The following AFF1 variants were observed in gnomAD, a reference collection of about 807,000 sequenced individuals.
The protein encoded by AFF1 is ALF transcription elongation factor 1.
AFF1 carries 48 observed loss-of-function variants against 121.7 expected under a neutral mutation model. The ratio of observed to expected loss-of-function variants is 0.39; its 90% CI spans 0.31 to 0.50. AFF1 has a LOEUF of 0.50. Ranked by LOEUF, AFF1 falls within the 20% of genes least tolerant of loss-of-function variation. The pLI is 0.76. For missense variants in AFF1, 1,523 were observed against 1,511.7 expected, an observed-to-expected ratio of 1.01 and a Z score of -0.12; for synonymous variants, 613 against 563.0, an observed-to-expected ratio of 1.09 and a Z score of -1.26.
At chr4:87,068,306 A>G (rs1224528930) in intron 4 of AFF1, among the ~76,000 whole-genome samples, 1 of 137,898 alleles carries the variant, frequency 7.3e-6, no homozygotes, top group African/African-American at 2.6e-5. Flanking sequence ...TATCTTACTA[A>G]TGATATGCAT....
intron 2 of AFF1, among the ~76,000 whole-genome samples, chr4:87,016,753 TTC>T (rs1727342768): frequency 1.3e-5 from 2 of 152,120 alleles, no homozygotes; most frequent in African/African-American, 4.8e-5. Flanking sequence ...ATAACCTACT[TTC>T]TGTCTCTGTA....
Position 87,004,310 on chromosome 4 carries a change from A to G in AFF1, c.39-41856A>G, listed in dbSNP as rs568162871. Among the ~76,000 whole-genome samples, 58 of 152,346 alleles carry G rather than the reference A, an allele frequency of 3.8e-4. 1 individual carries two copies. In the South Asian group the frequency reaches 0.012, roughly 32 times the overall value. ...TGATATAGAATAAGTTTGCACCTCA[A>G]TTACTGTGAAACCCAAAGAGCTTTT... On this transcript the variant is annotated intron_variant, in intron 2 of 20. Transcript: ENST00000395146.
chr4:87,122,881 TAAAA>T (rs3036188), intron 12 of AFF1, among the ~76,000 whole-genome samples: 9 of 96,638 alleles, frequency 9.3e-5, no homozygotes, highest in East Asian at 3.3e-4. Context: ...GGAAAATTAG[TAAAA>T]AAAAAAAAAA....
At chr4:87,014,477 C>T (rs1389675217) in intron 2 of AFF1, among the ~76,000 whole-genome samples, 6 of 152,200 alleles carry the variant, frequency 3.9e-5, no homozygotes, top group Non-Finnish European at 7.3e-5. Flanking sequence ...TTAAATGGAA[C>T]TCCTACTGGG....
intron 4 of AFF1, among the ~76,000 whole-genome samples, chr4:87,052,085 C>T (rs1560577464): frequency 6.6e-6 from 1 of 151,954 alleles, no homozygotes; most frequent in Non-Finnish European, 1.5e-5. Context: ...AGCTCAGAGA[C>T]GTATTTCATT....
chr4:87,070,814 T>C (rs572478912), intron 4 of AFF1, among the ~76,000 whole-genome samples: 1 of 152,380 alleles, frequency 6.6e-6, no homozygotes, highest in African/African-American at 2.4e-5. Context: ...CTCATTAATT[T>C]ATTCAGCATA....
At chr4:87,014,594 A>G (rs1174848203) in intron 2 of AFF1, among the ~76,000 whole-genome samples, 2 of 152,232 alleles carry the variant, frequency 1.3e-5, no homozygotes, top group Non-Finnish European at 2.9e-5. Context: ...ACTTTCCTTC[A>G]GGAAACTGTC....
At chr4:87,007,589 C>T (rs1054037675) in intron 2 of AFF1, among the ~76,000 whole-genome samples, 4 of 152,172 alleles carry the variant, frequency 2.6e-5, no homozygotes, top group African/African-American at 9.7e-5. Context: ...AGATAAAAAG[C>T]AGTTTGGAGA....
chr4:87,072,861 C>T (rs924617225), intron 4 of AFF1, among the ~76,000 whole-genome samples: 5 of 151,974 alleles, frequency 3.3e-5, no homozygotes, highest in Admixed American at 6.6e-5. Context: ...GAAATACTGG[C>T]GTTTGTCGAA....
intron 2 of AFF1, among the ~76,000 whole-genome samples, chr4:87,010,662 T>G (rs1726645173): frequency 6.6e-6 from 1 of 152,220 alleles, no homozygotes; most frequent in South Asian, 2.1e-4. Context: ...GGAGTGGTGT[T>G]GATGGATACA....
intron 4 of AFF1, among the ~76,000 whole-genome samples, chr4:87,054,156 A>G (rs974073169): frequency 6.6e-6 from 1 of 152,260 alleles, no homozygotes; most frequent in Non-Finnish European, 1.5e-5. Flanking sequence ...GAAGCCTGAT[A>G]AAAATACAAA....
chr4:87,124,953 CTT>C, intron 12 of AFF1, 82 bp from the exon 13 acceptor site: 2 of 1,209,268 alleles, frequency 1.7e-6, no homozygotes, highest in Non-Finnish European at 2.3e-6. Flanking sequence ...CCTTTACCCT[CTT>C]TGCCTTTTCT....
intron 14 of AFF1, 123 bp from the exon 15 acceptor site, chr4:87,126,903 G>A (rs1032500983): frequency 7.5e-6 from 6 of 801,620 alleles, no homozygotes; most frequent in Non-Finnish European, 1.0e-5. Context: ...AGGGTAGATT[G>A]TGCATTGTTT....
At chr4:86,953,638 G>A (rs1360850471) in intron 2 of AFF1, among the ~76,000 whole-genome samples, 1 of 152,008 alleles carries the variant, frequency 6.6e-6, no homozygotes, top group African/African-American at 2.4e-5. Flanking sequence ...CTTTTTAATA[G>A]TTCTTTCTAA....
chr4:86,951,220 C>G (rs1192147115), intron 2 of AFF1, among the ~76,000 whole-genome samples: 1 of 152,122 alleles, frequency 6.6e-6, no homozygotes, highest in Non-Finnish European at 1.5e-5. Context: ...CTTTCTAATT[C>G]AGAACTTCCC....
At chr4:87,018,209 G>GT (rs1252245648) in intron 2 of AFF1, among the ~76,000 whole-genome samples, 1 of 152,254 alleles carries the variant, frequency 6.6e-6, no homozygotes, top group Non-Finnish European at 1.5e-5. Context: ...AACCATTGGT[G>GT]TGTGCAGGGC....
chr4:87,001,666 A>C (rs1019534586), intron 2 of AFF1, among the ~76,000 whole-genome samples: 1 of 152,194 alleles, frequency 6.6e-6, no homozygotes, highest in Non-Finnish European at 1.5e-5. Context: ...TTTAAAGATA[A>C]AGGCAGAGAA....
chr4:87,114,093 G>A (rs1396830133), intron 11 of AFF1, among the ~76,000 whole-genome samples: 1 of 152,068 alleles, frequency 6.6e-6, no homozygotes, highest in Non-Finnish European at 1.5e-5. Context: ...ATTACCATTA[G>A]AATATATTAT....
intron 2 of AFF1, chr4:86,950,231 T>A (rs1721209753): frequency 3.2e-6 from 3 of 950,416 alleles, no homozygotes; most frequent in African/African-American, 1.6e-5. Flanking sequence ...CCGGCTGGAG[T>A]GCAGTGCCAT....
Sources: gnomAD v4.1 joint callset for allele counts (sites outside exome capture counted in the v4.1 genomes callset) on GRCh38, gnomAD v4.1.1 for gene constraint, MANE v1.5 for transcripts, NCBI Gene and HGNC (gene_info 2026-07-23, HGNC 2026-07-21) for gene names.